BMP1: variants seen among roughly 807,000 people sequenced by gnomAD.
BMP1 encodes the protein bone morphogenetic protein 1, also known as mammalian tolloid protein.
In BMP1, 63 loss-of-function variants were observed where a neutral mutation model predicts 116.8. That is an observed-to-expected ratio of 0.54 (90% CI 0.44 to 0.67). BMP1 has a LOEUF of 0.67. Ranked by LOEUF, BMP1 falls within the 30% of genes least tolerant of loss-of-function variation. BMP1 has a pLI of 0.00. For missense variants in BMP1, 1,183 were observed against 1,358.9 expected (o/e 0.87, Z 2.04); for synonymous variants, 536 against 533.4 (o/e 1.00, Z -0.07).
chr8:22,185,092 C>T (rs1438195494), intron 8 of BMP1, among the ~76,000 whole-genome samples: 3 of 152,132 alleles, frequency 2.0e-5, no homozygotes, highest in Admixed American at 2.0e-4. Flanking sequence ...TAGCAGCTGG[C>T]GCGGAGAGGA....
At chr8:22,210,134 ACT>A in intron 19 of BMP1, among the ~76,000 whole-genome samples, 2 of 152,082 alleles carry the variant, frequency 1.3e-5, no homozygotes, top group East Asian at 3.9e-4. Context: ...AGGCATAAAC[ACT>A]CTTGTCATTT....
intron 8 of BMP1, among the ~76,000 whole-genome samples, chr8:22,180,715 T>C (rs1434611329): frequency 1.3e-5 from 2 of 152,266 alleles, no homozygotes; most frequent in African/African-American, 4.8e-5. Flanking sequence ...CACATAGCAC[T>C]TGCTGTGTAG....
In BMP1 at chr8:22,173,694, A is replaced by G. The variant is rs768884014; in HGVS notation, c.241A>G (p.Lys81Glu). Residue 81 changes from lysine (K) to glutamate (E), a missense_variant, in exon 2 of 20, where the codon AAG (lysine) becomes GAG (glutamate). By Grantham distance (56) the Lys-to-Glu change is moderately conservative. Coordinates refer to ENST00000306385, the MANE Select transcript of BMP1 (RefSeq NM_006129.5). ...AVDLRRHTARKSSIKAAVPGN... is the reference protein window; with the variant it reads ...AVDLRRHTARESSIKAAVPGN... The stretch of plus-strand genomic sequence containing the variant: ...GGATCTCAGACGGCACACAGCTCGT[A>G]AGTCCTCCATCAAAGCTGCAGGTAA... 6.2e-7 allele frequency: 1 copy of G among 1,612,868 alleles called. No individual in the cohort carries two copies. Among genetic ancestry groups the G allele is most frequent in the Admixed American group, 1.7e-5 (1 of 59,840 alleles).
intron 8 of BMP1, among the ~76,000 whole-genome samples, chr8:22,184,883 G>C (rs1250784845): frequency 6.6e-6 from 1 of 152,208 alleles, no homozygotes. Flanking sequence ...CTGCTTTAGT[G>C]GATGGACTTT....
chr8:22,210,074 C>T (rs893203423), intron 19 of BMP1, among the ~76,000 whole-genome samples: 1 of 152,264 alleles, frequency 6.6e-6, no homozygotes, highest in African/African-American at 2.4e-5. Flanking sequence ...GGCACCAGAG[C>T]CGGGGACAGG....
At chr8:22,195,423 A>C (rs1829053278) in intron 12 of BMP1, 39 bp from the exon 13 acceptor site, 5 of 1,570,020 alleles carry the variant, frequency 3.2e-6, no homozygotes, top group Non-Finnish European at 4.3e-6. Flanking sequence ...CTTCCCTTGA[A>C]TGCCTGGAGT....
chr8:22,210,367 C>CTTTT (rs1198888155), intron 19 of BMP1, among the ~76,000 whole-genome samples: 21 of 118,428 alleles, frequency 1.8e-4, no homozygotes, highest in South Asian at 2.7e-4. Context: ...GCCTCTTCTT[C>CTTTT]TTTTTTTTTT....
intron 15 of BMP1, chr8:22,199,213 G>C (rs775016031): frequency 5.9e-6 from 8 of 1,367,378 alleles, no homozygotes; most frequent in East Asian, 4.5e-5. Flanking sequence ...CCCACTGGGG[G>C]CATCGAGGCT....
At chr8:22,201,741 TG>T in intron 15 of BMP1, 61 bp from the exon 16 acceptor site, 1 of 1,601,024 alleles carries the variant, frequency 6.2e-7, no homozygotes, top group South Asian at 1.1e-5. Flanking sequence ...CCACTTCCCC[TG>T]GGGCATCCCA....
intron 19 of BMP1, among the ~76,000 whole-genome samples, chr8:22,211,231 G>A (rs572066646): frequency 2.6e-5 from 4 of 152,174 alleles, no homozygotes; most frequent in South Asian, 2.1e-4. Context: ...CTTTGACATC[G>A]GTGCAGTCCT....
Position 22,176,158 on chromosome 8 carries a change from C to A in BMP1, c.278C>A (p.Ser93Tyr). Residue 93 changes from serine (S) to tyrosine (Y), a missense_variant, in exon 3 of 20, where the codon TCT becomes TAT. By Grantham distance (144) the Ser-to-Tyr change is moderately radical (BLOSUM62 -2). Transcript: ENST00000306385. ...SIKAAVPGNT[S>Y]TPSCQSTNGQ... The stretch of plus-strand genomic sequence containing the variant: ...CCTCTCTCAGTTCCAGGAAACACTT[C>A]TACCCCCAGCTGCCAGAGCACCAAC... 1 of 1,614,176 alleles carries A rather than the reference C, an allele frequency of 6.2e-7. No individual in the cohort carries two copies. The highest frequency in any genetic ancestry group is 8.5e-7 in the Non-Finnish European group (1 of 1,180,028).
intron 6 of BMP1, among the ~76,000 whole-genome samples, chr8:22,178,908 C>T (rs981216802): frequency 6.6e-6 from 1 of 152,318 alleles, no homozygotes; most frequent in Admixed American, 6.5e-5. Context: ...CCGATCTGCT[C>T]TTCCTGCCTG....
At chr8:22,201,292 A>C in intron 15 of BMP1, 2 of 1,517,430 alleles carry the variant, frequency 1.3e-6, no homozygotes, top group Non-Finnish European at 8.8e-7. Flanking sequence ...CCAACCCCCC[A>C]CCTCCACTCT....
At position 22,165,378 on chromosome 8, in the gene BMP1, C is replaced by T. The variant is rs1444504052; in HGVS notation, c.-28C>T. The T allele has an allele frequency of 9.8e-6, 14 of 1,423,704 alleles. No homozygotes were observed. In the South Asian group the frequency reaches 2.2e-4, roughly 22 times the overall value. 88.2% of individuals were successfully genotyped at this position (1,423,704 alleles called of 1,614,324 possible). ...ACGCCCTCCCCTGGCCTCCAGTGCGCCGCTTCCCTCGCCGCCGCCCCGCCA... is the reference window on the plus strand; with the variant it reads ...ACGCCCTCCCCTGGCCTCCAGTGCGTCGCTTCCCTCGCCGCCGCCCCGCCA... On this transcript the variant is annotated 5_prime_UTR_variant, in exon 1 of 20. Transcript: ENST00000306385.
chr8:22,197,179 G>C (rs10107850), intron 14 of BMP1, 61 bp from the exon 15 acceptor site: 2 of 1,570,444 alleles, frequency 1.3e-6, no homozygotes, highest in African/African-American at 1.3e-5. Flanking sequence ...CTTCCCGAGG[G>C]CAGGAGTAGT....
In BMP1 at chr8:22,206,956, G is replaced by C; in HGVS notation, c.2336G>C (p.Ser779Thr). 6.2e-7 allele frequency: 1 copy of C among 1,614,174 alleles called. No individual in the cohort carries two copies. The highest frequency in any genetic ancestry group is 8.5e-7 in the Non-Finnish European group (1 of 1,180,020). Residue 779 changes from serine to threonine, a missense_variant, in exon 17 of 20, where the codon AGC becomes ACC. Physicochemically the swap from Ser to Thr is moderately conservative, Grantham distance 58 (BLOSUM62 1). Around this residue, in one of 4 missense-constraint regions of BMP1, gnomAD observed 956 missense variants for 1,135.2 expected, o/e 0.84. Transcript: ENST00000306385. ...SKKECTWAISSTPGHRVKLTF... is the reference protein window; with the variant it reads ...SKKECTWAISTTPGHRVKLTF... ...AAGGAGTGCACGTGGGCCATCTCCA[G>C]CACCCCCGGGCACCGGGTCAAGCTG...
chr8:22,176,565 A>C lies in BMP1; in HGVS notation c.466A>C (p.Arg156=), dbSNP rs1043091647. 1.2e-6 allele frequency: 2 copies of C among 1,614,176 alleles called. No individual in the cohort carries two copies. Among genetic ancestry groups the C allele is most frequent in the East Asian group, 2.2e-5 (1 of 44,878 alleles). Residue 156 remains arginine (R), a synonymous_variant, in exon 4 of 20, where the codon AGG becomes CGG. Transcript: ENST00000306385. The part of the protein sequence containing the change: ...SQRAVFRQAM[R]HWEKHTCVTF... ...GAGGGCAGTCTTCCGGCAGGCCATG[A>C]GGCACTGGGAGAAGCACACCTGTGT... is the stretch of plus-strand genomic sequence containing the variant.
At chr8:22,185,484 A>G (rs1005548348) in intron 8 of BMP1, among the ~76,000 whole-genome samples, 1 of 151,880 alleles carries the variant, frequency 6.6e-6, no homozygotes, top group African/African-American at 2.4e-5. Flanking sequence ...AATAAAAATA[A>G]AAAAAAGAAG....
chr8:22,207,796 C>T (rs1334916123), intron 18 of BMP1, among the ~76,000 whole-genome samples: 1 of 152,216 alleles, frequency 6.6e-6, no homozygotes, highest in Non-Finnish European at 1.5e-5. Flanking sequence ...CCTGAGCGTA[C>T]GCGGGCCACC....
Sources: allele counts gnomAD v4.1 joint callset (sites outside exome capture counted in the v4.1 genomes callset), GRCh38; gene constraint gnomAD v4.1.1; regional missense constraint gnomAD v4.1.1; transcripts MANE v1.5; gene names NCBI Gene and HGNC (gene_info 2026-07-23, HGNC 2026-07-21).